LIMS1: variants seen among roughly 807,000 people sequenced by gnomAD.
LIMS1 encodes LIM and senescent cell antigen-like-containing domain protein 1.
In LIMS1, 18 loss-of-function variants were observed where a neutral mutation model predicts 44.1. The ratio of observed to expected loss-of-function variants is 0.41; its 90% CI spans 0.28 to 0.61. The LOEUF is 0.61. LIMS1 is among the 20% of genes least tolerant of loss of function. LIMS1 has a pLI of 0.32. For synonymous variants in LIMS1, 93 were observed against 149.1 expected, an observed-to-expected ratio of 0.62 and a Z score of 2.74; for missense variants, 201 against 422.0, an observed-to-expected ratio of 0.48 and a Z score of 4.59.
At chr2:108,649,817 G>A (rs930927927) in intron 1 of LIMS1, among the ~76,000 whole-genome samples, 15 of 152,066 alleles carry the variant, frequency 9.9e-5, no homozygotes, top group Non-Finnish European at 2.1e-4. Context: ...GGGGCCTGTC[G>A]GTGGGTGGGG....
chr2:108,626,907 G>A (rs1441856195), intron 1 of LIMS1, among the ~76,000 whole-genome samples: 2 of 152,204 alleles, frequency 1.3e-5, no homozygotes, highest in East Asian at 3.8e-4. Context: ...GTCATGTGCT[G>A]CATAAAACGT....
Position 108,683,880 on chromosome 2 carries a change from T to C in LIMS1, c.900-5T>C, listed in dbSNP as rs758453326. On this transcript the variant is annotated splice_region_variant and splice_polypyrimidine_tract_variant and intron_variant, in intron 9 of 9. Coordinates refer to ENST00000544547, the Ensembl canonical transcript of LIMS1. ...TTCTTTTTTTTTATAATTTTTTGTC[T>C]TTAGGAATAAGTTTGTGGAGTTTGA... is the stretch of plus-strand genomic sequence containing the variant. 1 of 1,474,862 alleles carries C rather than the reference T, an allele frequency of 6.8e-7. No homozygotes were observed. Among genetic ancestry groups the C allele is most frequent in the South Asian group, 1.3e-5 (1 of 77,902 alleles). The allele number at this position is 1,474,862 out of a possible 1,614,324, so 91.4% of individuals were successfully genotyped here.
intron 1 of LIMS1, among the ~76,000 whole-genome samples, chr2:108,557,788 T>C (rs557049556): frequency 6.6e-6 from 1 of 152,330 alleles, no homozygotes; most frequent in African/African-American, 2.4e-5. Context: ...AGCGCTAGAA[T>C]TACAGGCATA....
At chr2:108,650,657 C>T (rs967528444) in intron 1 of LIMS1, among the ~76,000 whole-genome samples, 2 of 152,134 alleles carry the variant, frequency 1.3e-5, no homozygotes, top group South Asian at 2.1e-4. Flanking sequence ...AACTCCTGAC[C>T]TCAGGTGATC....
chr2:108,581,040 A>C (rs1558795686), intron 1 of LIMS1, among the ~76,000 whole-genome samples: 1 of 152,094 alleles, frequency 6.6e-6, no homozygotes, highest in African/African-American at 2.4e-5. Flanking sequence ...CCGTATTGCC[A>C]TGGAATTTGT....
intron 1 of LIMS1, among the ~76,000 whole-genome samples, chr2:108,588,056 CT>C (rs1199413822): frequency 6.6e-6 from 1 of 152,136 alleles, no homozygotes; most frequent in Non-Finnish European, 1.5e-5. Flanking sequence ...AAAGTTACCT[CT>C]TTCTATGATG....
At chr2:108,545,589 A>C (rs1466240784) in intron 1 of LIMS1, among the ~76,000 whole-genome samples, 1 of 152,184 alleles carries the variant, frequency 6.6e-6, no homozygotes, top group Non-Finnish European at 1.5e-5. Context: ...GATCTAAAAA[A>C]GCAGTTCTCA....
At chr2:108,666,989 G>A (rs1219629960) in intron 2 of LIMS1, among the ~76,000 whole-genome samples, 4 of 151,036 alleles carry the variant, frequency 2.6e-5, no homozygotes, top group East Asian at 2.0e-4. Flanking sequence ...AAATTTTTAC[G>A]GAGGCTTCAT....
At chr2:108,642,452 C>T (rs1317911368) in intron 1 of LIMS1, among the ~76,000 whole-genome samples, 3 of 148,096 alleles carry the variant, frequency 2.0e-5, no homozygotes, top group Admixed American at 6.8e-5. Context: ...CTCCGCCTCC[C>T]GGGTTCACGC....
At chr2:108,534,973 ATCTCCATAGACTG>A (rs1684076327) in intron 1 of LIMS1, among the ~76,000 whole-genome samples, 1 of 152,244 alleles carries the variant, frequency 6.6e-6, no homozygotes, top group African/African-American at 2.4e-5. Flanking sequence ...AATGGTGGCT[ATCTCCATAGACTG>A]TACTAGAAAG....
At chr2:108,631,080 C>A in intron 1 of LIMS1, among the ~76,000 whole-genome samples, 1 of 152,314 alleles carries the variant, frequency 6.6e-6, no homozygotes, top group East Asian at 1.9e-4. Context: ...GAGTGTGGGA[C>A]ACTTAATGAG....
chr2:108,611,868 T>TACAC (rs1558808744), intron 1 of LIMS1, among the ~76,000 whole-genome samples: 1 of 122,896 alleles, frequency 8.1e-6, no homozygotes, highest in South Asian at 2.4e-4. Flanking sequence ...CACATATATA[T>TACAC]ACACATATAT....
intron 5 of LIMS1, chr2:108,673,273 T>C (rs920714346): frequency 1.7e-5 from 10 of 603,934 alleles, no homozygotes; most frequent in African/African-American, 9.3e-5. Flanking sequence ...CACCCTCCTA[T>C]GTATGTGTGC....
intron 1 of LIMS1, among the ~76,000 whole-genome samples, chr2:108,601,971 A>G (rs1038013356): frequency 1.3e-5 from 2 of 150,312 alleles, no homozygotes; most frequent in African/African-American, 4.9e-5. Context: ...GTTCTATTCA[A>G]TTTTCTTTAT....
chr2:108,616,369 G>A (rs535759668), intron 1 of LIMS1, among the ~76,000 whole-genome samples: 13 of 151,830 alleles, frequency 8.6e-5, no homozygotes, highest in African/African-American at 1.5e-4. Flanking sequence ...TCGCCACCAC[G>A]CCCAGCTAAT....
chr2:108,665,572 G>A (rs892651603), intron 2 of LIMS1, among the ~76,000 whole-genome samples: 1 of 151,650 alleles, frequency 6.6e-6, no homozygotes, highest in African/African-American at 2.4e-5. Flanking sequence ...TGTCGCCCAG[G>A]CTGGAGTGCA....
At chr2:108,657,512 C>T (rs1341641607) in intron 1 of LIMS1, among the ~76,000 whole-genome samples, 2 of 152,278 alleles carry the variant, frequency 1.3e-5, no homozygotes, top group African/African-American at 4.8e-5. Flanking sequence ...CCAGGAATAC[C>T]TGTGGACTTT....
chr2:108,545,252 C>T (rs1684445253), intron 1 of LIMS1, among the ~76,000 whole-genome samples: 2 of 151,688 alleles, frequency 1.3e-5, no homozygotes, highest in South Asian at 4.2e-4. Flanking sequence ...GGTTTAACAT[C>T]CTCATATATA....
At chr2:108,576,961 T>G (rs1414791673) in intron 1 of LIMS1, among the ~76,000 whole-genome samples, 1 of 152,176 alleles carries the variant, frequency 6.6e-6, no homozygotes, top group African/African-American at 2.4e-5. Flanking sequence ...ACAGGGATGC[T>G]CATGGCTGCC....
Sources: allele counts gnomAD v4.1 joint callset (sites outside exome capture counted in the v4.1 genomes callset), GRCh38; gene constraint gnomAD v4.1.1; transcripts MANE v1.5; gene names NCBI Gene and HGNC (gene_info 2026-07-23, HGNC 2026-07-21).